The following IL4R variants were observed in gnomAD, a reference collection of about 807,000 sequenced individuals.
IL4R encodes interleukin 4 receptor.
In IL4R, 17 loss-of-function variants were observed where a neutral mutation model predicts 41.5. That is an observed-to-expected ratio of 0.41 (90% CI 0.28 to 0.61). IL4R has a LOEUF of 0.61. Ranked by LOEUF, IL4R falls within the 20% of genes least tolerant of loss-of-function variation. IL4R has a pLI of 0.31. For missense variants in IL4R, 974 were observed against 1,043.1 expected (o/e 0.93, Z 0.91); for synonymous variants, 402 against 422.9 (o/e 0.95, Z 0.61).
rs879876677 is a variant in IL4R at position 27,351,072 on chromosome 16, T to C, written c.514-1468T>C. Among the ~76,000 whole-genome samples the C allele has an allele frequency of 1.9e-4, 29 of 152,244 alleles. 1 individual carries two copies. The East Asian group carries it at 3.1e-3, about 16-fold the overall frequency. On this transcript the variant is annotated intron_variant, in intron 6 of 10. Transcript: ENST00000395762. ...CTTAGCCAGGTTCTCTGCTTTAGAG[T>C]CTCGTGAGGCTATAATCAAGGTGTG...
intron 10 of IL4R, among the ~76,000 whole-genome samples, chr16:27,361,504 C>T (rs1183120577): frequency 6.6e-6 from 1 of 152,008 alleles, no homozygotes; most frequent in Non-Finnish European, 1.5e-5. Context: ...TGTGTTGCCC[C>T]GCCACTGTGG....
intron 1 of IL4R, among the ~76,000 whole-genome samples, chr16:27,316,967 A>G (rs994321709): frequency 1.3e-5 from 2 of 151,730 alleles, no homozygotes; most frequent in African/African-American, 4.8e-5. Context: ...ACAGTGGCAC[A>G]ATCATAGCTC....
chr16:27,344,723 G>T (rs986542131), intron 4 of IL4R, 146 bp from the exon 5 acceptor site: 1 of 833,958 alleles, frequency 1.2e-6, no homozygotes, highest in Non-Finnish European at 1.8e-6. Context: ...CACCCTGGCC[G>T]CTCCCAAGCC....
At chr16:27,325,434 CGTT>C (rs1052174533) in intron 1 of IL4R, among the ~76,000 whole-genome samples, 4 of 151,912 alleles carry the variant, frequency 2.6e-5, no homozygotes, top group African/African-American at 7.3e-5. Flanking sequence ...ATTAGCTGGG[CGTT>C]GTTGTGGGCA....
intron 4 of IL4R, among the ~76,000 whole-genome samples, chr16:27,344,244 G>T (rs1417196307): frequency 3.3e-5 from 5 of 151,690 alleles, no homozygotes; most frequent in Admixed American, 2.6e-4. Context: ...GGTGGAGGTT[G>T]CAGTGAGCCG....
chr16:27,330,545 G>A (rs1406955330), intron 2 of IL4R, among the ~76,000 whole-genome samples: 4 of 152,008 alleles, frequency 2.6e-5, no homozygotes, highest in African/African-American at 7.2e-5. Flanking sequence ...GGGATTTCCC[G>A]ATTTACTTGT....
intron 1 of IL4R, among the ~76,000 whole-genome samples, chr16:27,316,856 A>G (rs1210804272): frequency 1.3e-5 from 2 of 152,226 alleles, no homozygotes; most frequent in African/African-American, 2.4e-5. Context: ...TCAAGCATAC[A>G]AAACAGTACC....
At position 27,363,297 on chromosome 16, in the gene IL4R, C is replaced by T; in HGVS notation, c.1945C>T (p.Pro649Ser). Residue 649 changes from proline to serine, a missense_variant, in exon 11 of 11, where the codon CCT (proline) becomes TCT (serine). By Grantham distance (74) the Pro-to-Ser change is moderately conservative. Transcript: ENST00000395762. ...CTGCCCTGGGGACCCTGCCCCAGTCCCTGTCCCCTTGTTCACCTTTGGACT... is the reference window on the plus strand; with the variant it reads ...CTGCCCTGGGGACCCTGCCCCAGTCTCTGTCCCCTTGTTCACCTTTGGACT... ...PGCPGDPAPVPVPLFTFGLDR... is the reference protein window; with the variant it reads ...PGCPGDPAPVSVPLFTFGLDR... 2 of 1,608,448 alleles carry T rather than the reference C, an allele frequency of 1.2e-6. No individual in the cohort carries two copies. Among genetic ancestry groups the T allele is most frequent in the Non-Finnish European group, 8.5e-7 (1 of 1,176,726 alleles).
At chr16:27,357,311 A>G (rs2086112011) in intron 8 of IL4R, among the ~76,000 whole-genome samples, 1 of 151,886 alleles carries the variant, frequency 6.6e-6, no homozygotes, top group African/African-American at 2.4e-5. Context: ...ACAGGGTCTC[A>G]CTCTGTTAGC....
At chr16:27,326,101 C>T (rs2084949594) in intron 1 of IL4R, among the ~76,000 whole-genome samples, 1 of 152,100 alleles carries the variant, frequency 6.6e-6, no homozygotes. Context: ...GCCCTGGCAC[C>T]TCTCTCTGGG....
chr16:27,363,917 G>A lies in IL4R; in HGVS notation c.*87G>A. ...ATGCCACCTCCTGGAAGGCAGCCAG[G>A]CTGGCAGATTTCCAAAAGACTTGAA... On this transcript the variant is annotated 3_prime_UTR_variant, in exon 11 of 11. Coordinates refer to ENST00000395762, the MANE Select transcript of IL4R (RefSeq NM_000418.4). 2 of 1,453,776 alleles carry A rather than the reference G, an allele frequency of 1.4e-6. No homozygotes were observed. The highest frequency in any genetic ancestry group is 2.3e-5 in the East Asian group (1 of 43,922). The allele number at this position is 1,453,776 out of a possible 1,614,324, so 90.1% of individuals were successfully genotyped here. A position where few individuals can be genotyped will look rare whatever the true frequency, so the allele number is the denominator to read the frequency against.
chr16:27,362,730 G>T lies in IL4R; in HGVS notation c.1378G>T (p.Gly460Cys), dbSNP rs1452758355. Residue 460 changes from glycine to cysteine, a missense_variant, in exon 11 of 11, where the codon GGC becomes TGC. Gly to Cys is a radical substitution (Grantham distance 159, BLOSUM62 -3). Around this residue, in one of 3 missense-constraint regions of IL4R, gnomAD observed 682 missense variants for 704.3 expected, o/e 0.97. Transcript: ENST00000395762. ...SAGPKEAPPW[G>C]KEQPLHLEPS... ...AGGGCCCAAGGAGGCACCTCCCTGGGGCAAGGAGCAGCCTCTCCACCTGGA... is the reference window on the plus strand; with the variant it reads ...AGGGCCCAAGGAGGCACCTCCCTGGTGCAAGGAGCAGCCTCTCCACCTGGA... 1 of 1,614,074 alleles carries T rather than the reference G, an allele frequency of 6.2e-7. No individual in the cohort carries two copies.
intron 2 of IL4R, among the ~76,000 whole-genome samples, chr16:27,331,830 C>T (rs1054792447): frequency 1.3e-5 from 2 of 152,036 alleles, no homozygotes; most frequent in Admixed American, 6.6e-5. Flanking sequence ...ACAGATTTCT[C>T]TATTTCTCCT....
At chr16:27,325,059 C>T (rs1157104541) in intron 1 of IL4R, among the ~76,000 whole-genome samples, 7 of 152,180 alleles carry the variant, frequency 4.6e-5, no homozygotes, top group Non-Finnish European at 7.3e-5. Context: ...TGGCTCCCCA[C>T]TGCCCTAGAG....
intron 8 of IL4R, among the ~76,000 whole-genome samples, chr16:27,357,526 C>T (rs771050020): frequency 6.6e-6 from 1 of 152,180 alleles, no homozygotes; most frequent in Non-Finnish European, 1.5e-5. Context: ...TGCAGTGGTG[C>T]GATCTCGACT....
chr16:27,359,103 ACAGT>A (rs2086193706), intron 9 of IL4R, 109 bp downstream of exon 9: 1 of 814,266 alleles, frequency 1.2e-6, no homozygotes, highest in Non-Finnish European at 2.1e-6. Context: ...TGGCAAATAG[ACAGT>A]CAGGAGGGTT....
chr16:27,355,652 G>A (rs2086039603), intron 7 of IL4R, 156 bp from the exon 8 acceptor site: 1 of 587,586 alleles, frequency 1.7e-6, no homozygotes, highest in Admixed American at 2.9e-5. Context: ...TGTGCAAGAG[G>A]GAGAGTGGTG....
intron 1 of IL4R, among the ~76,000 whole-genome samples, chr16:27,327,775 T>G (rs1360172918): frequency 1.3e-5 from 2 of 152,134 alleles, no homozygotes; most frequent in East Asian, 3.8e-4. Flanking sequence ...ATGGGAATGT[T>G]AATGGCACCT....
chr16:27,330,983 G>T (rs1018188385), intron 2 of IL4R, among the ~76,000 whole-genome samples: 11 of 151,888 alleles, frequency 7.2e-5, no homozygotes, highest in African/African-American at 2.7e-4. Flanking sequence ...TTTTAAAATG[G>T]CTCTGGCTGT....
Sources: gnomAD v4.1 joint callset for allele counts (sites outside exome capture counted in the v4.1 genomes callset) on GRCh38, gnomAD v4.1.1 for gene constraint, gnomAD v4.1.1 regional missense constraint, MANE v1.5 for transcripts, NCBI Gene and HGNC (gene_info 2026-07-23, HGNC 2026-07-21) for gene names.